The following SVOP variants were observed in gnomAD, a reference collection of about 807,000 sequenced individuals.
SVOP encodes synaptic vesicle 2-related protein.
In SVOP, 17 loss-of-function variants were observed where a neutral mutation model predicts 69.1. The ratio of observed to expected loss-of-function variants is 0.25; its 90% CI spans 0.17 to 0.37. The LOEUF (loss-of-function observed/expected upper bound fraction) is 0.37. SVOP is among the 10% of genes least tolerant of loss of function. SVOP has a pLI of 1.00. For synonymous variants in SVOP, 238 were observed against 238.6 expected, an observed-to-expected ratio of 1.00 and a Z score of 0.02; for missense variants, 435 against 597.5, an observed-to-expected ratio of 0.73 and a Z score of 2.84.
chr12:108,936,344 C>T (rs2039856208), intron 10 of SVOP, among the ~76,000 whole-genome samples: 1 of 152,218 alleles, frequency 6.6e-6, no homozygotes, highest in African/African-American at 2.4e-5. Context: ...CACACCAGCC[C>T]ATATAGCAGA....
chr12:108,984,561 G>A (rs1159984417), intron 1 of SVOP, among the ~76,000 whole-genome samples: 1 of 152,092 alleles, frequency 6.6e-6, no homozygotes, highest in African/African-American at 2.4e-5. Context: ...CACTTGCTCT[G>A]TGTTCCTCTC....
In SVOP at chr12:108,915,699, G is replaced by C. The variant is rs868668396; in HGVS notation, c.1440+84C>G. Reference sequence around the variant, plus strand: ...TGAGCGAATGCAACCCGAGGGCTCTGGGGACAGTCGGCATGTAGTAACTGC... The same window carrying C: ...TGAGCGAATGCAACCCGAGGGCTCTCGGGACAGTCGGCATGTAGTAACTGC... On this transcript the variant is annotated intron_variant, in intron 15 of 15. Transcript: ENST00000610966. The C allele has an allele frequency of 1.1e-5, 16 of 1,398,430 alleles. No homozygotes were observed. In the South Asian group the frequency reaches 1.8e-4, roughly 15 times the overall value. The allele number at this position is 1,398,430 out of a possible 1,614,324, so 86.6% of individuals were successfully genotyped here.
intron 1 of SVOP, among the ~76,000 whole-genome samples, chr12:109,019,176 A>G (rs183751074): frequency 1.3e-5 from 2 of 152,330 alleles, no homozygotes; most frequent in Non-Finnish European, 2.9e-5. Context: ...CTTACTCTTT[A>G]TTCTTGTGCT....
At chr12:108,954,227 G>T (rs1031927608) in intron 6 of SVOP, among the ~76,000 whole-genome samples, 5 of 152,034 alleles carry the variant, frequency 3.3e-5, no homozygotes, top group Admixed American at 2.6e-4. Flanking sequence ...GTGACCTTGG[G>T]CATGCTACTT....
At chr12:108,983,353 C>T (rs1432006395) in intron 2 of SVOP, among the ~76,000 whole-genome samples, 1 of 152,130 alleles carries the variant, frequency 6.6e-6, no homozygotes, top group Non-Finnish European at 1.5e-5. Context: ...TCATCTTTGT[C>T]ACCATTATCA....
intron 6 of SVOP, among the ~76,000 whole-genome samples, chr12:108,957,173 G>A (rs1369839732): frequency 3.9e-5 from 6 of 152,038 alleles, no homozygotes; most frequent in African/African-American, 1.2e-4. Context: ...TCAGTAGAAT[G>A]TCTTTTTTGA....
chr12:108,965,234 G>A (rs959696701), intron 5 of SVOP, among the ~76,000 whole-genome samples: 2 of 152,142 alleles, frequency 1.3e-5, no homozygotes, highest in African/African-American at 4.8e-5. Context: ...TTATTTTCAT[G>A]TCTACTTTAC....
At chr12:108,922,857 C>A in intron 11 of SVOP, 60 bp from the exon 12 acceptor site, 1 of 1,198,378 alleles carries the variant, frequency 8.3e-7, no homozygotes, top group Admixed American at 2.0e-5. Context: ...ATCACACCTT[C>A]CTGCTCCCCA....
intron 1 of SVOP, among the ~76,000 whole-genome samples, chr12:109,014,420 A>G (rs906927598): frequency 9.2e-5 from 14 of 152,184 alleles, no homozygotes; most frequent in Admixed American, 3.9e-4. Context: ...ATATTGCACA[A>G]TGGAATATTA....
intron 5 of SVOP, among the ~76,000 whole-genome samples, chr12:108,970,385 A>T (rs1003917908): frequency 1.3e-5 from 2 of 152,168 alleles, no homozygotes; most frequent in African/African-American, 2.4e-5. Context: ...CACCTACTTC[A>T]ATGGTTATTA....
At chr12:108,919,361 T>TTGGGCCTATACCCACACC (rs1338634941) in intron 13 of SVOP, among the ~76,000 whole-genome samples, 3 of 120,384 alleles carry the variant, frequency 2.5e-5, no homozygotes, top group African/African-American at 9.8e-5. Context: ...GCACCCACAC[T>TTGGGCCTATACCCACACC]TGGGCCTATA....
At chr12:108,958,196 G>T (rs548654167) in intron 6 of SVOP, among the ~76,000 whole-genome samples, 2 of 152,128 alleles carry the variant, frequency 1.3e-5, no homozygotes, top group East Asian at 1.9e-4. Flanking sequence ...TAGCGAGGGG[G>T]TCTAGCTATG....
chr12:108,952,527 T>C (rs2039961743), intron 6 of SVOP, among the ~76,000 whole-genome samples: 1 of 152,070 alleles, frequency 6.6e-6, no homozygotes, highest in Non-Finnish European at 1.5e-5. Flanking sequence ...TAAGCAACTG[T>C]GCCCAGGCCC....
At chr12:108,926,565 A>G (rs1046671855) in intron 11 of SVOP, 1 of 152,222 alleles carries the variant, frequency 6.6e-6, no homozygotes. Context: ...TGAAATGGGC[A>G]AAAATGTCTT....
chr12:108,916,065 G>A (rs945207123), intron 14 of SVOP, among the ~76,000 whole-genome samples, 193 bp from the exon 15 acceptor site: 5 of 152,218 alleles, frequency 3.3e-5, no homozygotes, highest in Non-Finnish European at 7.3e-5. Flanking sequence ...CCTAGGGCAA[G>A]AGGCTGAGCT....
intron 14 of SVOP, among the ~76,000 whole-genome samples, chr12:108,917,147 A>C (rs1449534963): frequency 6.6e-6 from 1 of 152,250 alleles, no homozygotes; most frequent in African/African-American, 2.4e-5. Flanking sequence ...TGCAATGCTC[A>C]GTGTAGAAAG....
At chr12:109,001,165 A>C (rs1362584682) in intron 1 of SVOP, among the ~76,000 whole-genome samples, 1 of 25,538 alleles carries the variant, frequency 3.9e-5, no homozygotes, top group African/African-American at 8.1e-5. Context: ...TTATACACCA[A>C]TAACAGACAG....
chr12:109,020,360 C>A (rs1301088781), intron 1 of SVOP, among the ~76,000 whole-genome samples: 1 of 152,164 alleles, frequency 6.6e-6, no homozygotes, highest in Non-Finnish European at 1.5e-5. Context: ...TCTAGGAAGG[C>A]ATCCCAGTTT....
intron 1 of SVOP, among the ~76,000 whole-genome samples, chr12:109,004,702 TATTTCATTTCATTTCATTTCATTTC>T (rs149632810): frequency 8.9e-5 from 13 of 146,350 alleles, no homozygotes; most frequent in Admixed American, 4.2e-4. Context: ...CTGATACAAG[TATTTCATTTCATTTCATTTCATTTC>T]ATTTCATTTC....
Sources: gnomAD v4.1 joint callset for allele counts (sites outside exome capture counted in the v4.1 genomes callset) on GRCh38, gnomAD v4.1.1 for gene constraint, MANE v1.5 for transcripts, NCBI Gene and HGNC (gene_info 2026-07-23, HGNC 2026-07-21) for gene names.